The following EXOC2 variants were observed in gnomAD, a reference collection of about 807,000 sequenced individuals.
EXOC2 encodes exocyst complex component 2, also known as SEC5-like 1.
A neutral mutation model predicts 131.8 loss-of-function variants in EXOC2; 70 were observed. That is an observed-to-expected ratio of 0.53 (90% CI 0.44 to 0.65). EXOC2 has a LOEUF of 0.65. Ranked by LOEUF, EXOC2 falls within the 30% of genes least tolerant of loss-of-function variation. The pLI, the probability that EXOC2 is intolerant of heterozygous loss-of-function variation, is 0.00. For synonymous variants in EXOC2, 411 were observed against 398.4 expected (o/e 1.03, Z -0.38); for missense variants, 923 against 1,108.6 (o/e 0.83, Z 2.38).
intron 1 of EXOC2, among the ~76,000 whole-genome samples, chr6:648,436 G>A (rs1042280778): frequency 6.6e-6 from 1 of 152,118 alleles, no homozygotes; most frequent in African/African-American, 2.4e-5. Flanking sequence ...TTAAAGGAAC[G>A]CTCTAGTCTA....
At chr6:552,773 T>C (rs1165817664) in intron 21 of EXOC2, among the ~76,000 whole-genome samples, 2 of 152,190 alleles carry the variant, frequency 1.3e-5, no homozygotes, top group Non-Finnish European at 2.9e-5. Context: ...TTTTTTCTAA[T>C]ATACCAAATC....
rs1303017221 is a variant in EXOC2 at position 564,712 on chromosome 6, C to A, written c.1510-10G>T. On this transcript the variant is annotated splice_polypyrimidine_tract_variant and intron_variant, in intron 14 of 27. Transcript: ENST00000230449. Reference sequence around the variant, plus strand: ...CTTCCTGAATCATTTTCTAGAAAACCAGGAACAAGCATAACCGTGTTCAAA... The same window carrying A: ...CTTCCTGAATCATTTTCTAGAAAACAAGGAACAAGCATAACCGTGTTCAAA... 1 of 1,585,574 alleles carries A rather than the reference C, an allele frequency of 6.3e-7. No homozygotes were observed. The highest frequency in any genetic ancestry group is 1.8e-5 in the Admixed American group (1 of 55,810).
At chr6:591,580 T>C (rs1041742090) in intron 11 of EXOC2, among the ~76,000 whole-genome samples, 2 of 152,120 alleles carry the variant, frequency 1.3e-5, no homozygotes. Context: ...AGGCTACTCC[T>C]AAGCACTCCA....
At chr6:532,745 A>G in intron 22 of EXOC2, 135 bp from the exon 23 acceptor site, 3 of 820,006 alleles carry the variant, frequency 3.7e-6, no homozygotes, top group Non-Finnish European at 3.4e-6. Context: ...TGACTTTTAT[A>G]TATTTTCAGT....
At chr6:539,412 A>C (rs2127551787) in intron 22 of EXOC2, among the ~76,000 whole-genome samples, 1 of 152,330 alleles carries the variant, frequency 6.6e-6, no homozygotes, top group East Asian at 1.9e-4. Context: ...GATGCCAGCC[A>C]GTGCTCCCAA....
intron 1 of EXOC2, among the ~76,000 whole-genome samples, chr6:658,808 C>A (rs1196830973): frequency 6.6e-6 from 1 of 151,280 alleles, no homozygotes; most frequent in East Asian, 1.9e-4. Flanking sequence ...ATTACAGGCG[C>A]CTGCCACCAT....
intron 4 of EXOC2, among the ~76,000 whole-genome samples, chr6:625,549 C>T (rs2294668): frequency 0.46 from 64,308 of 138,474 alleles, 15,565 homozygotes; most frequent in East Asian, 0.61. Flanking sequence ...TTGTCTGACC[C>T]AGTTTCTGGA....
chr6:507,521 A>G (rs1033600813), intron 23 of EXOC2, among the ~76,000 whole-genome samples: 26 of 152,206 alleles, frequency 1.7e-4, no homozygotes, highest in Non-Finnish European at 8.8e-5. Context: ...ATGAAATACA[A>G]TTGTTCAGGC....
chr6:574,026 A>G (rs963966156), intron 12 of EXOC2, among the ~76,000 whole-genome samples: 1 of 152,200 alleles, frequency 6.6e-6, no homozygotes, highest in African/African-American at 2.4e-5. Flanking sequence ...TGGATCCTGG[A>G]GTTCTTCTGT....
At chr6:593,130 AAAGAT>A (rs1280758724) in intron 10 of EXOC2, among the ~76,000 whole-genome samples, 18 of 152,230 alleles carry the variant, frequency 1.2e-4, no homozygotes, top group African/African-American at 4.3e-4. Context: ...CTCTTTGTAA[AAAGAT>A]AAGGACAATT....
At chr6:624,202 A>C (rs1001726468) in intron 4 of EXOC2, among the ~76,000 whole-genome samples, 8 of 152,200 alleles carry the variant, frequency 5.3e-5, no homozygotes, top group African/African-American at 1.7e-4. Context: ...ATGAAGCTCC[A>C]TGGGTAACAC....
chr6:575,536 T>C lies in EXOC2; in HGVS notation c.1318+1221A>G, dbSNP rs541135647. On this transcript the variant is annotated intron_variant, in intron 12 of 27. Coordinates refer to ENST00000230449, the MANE Select transcript of EXOC2 (RefSeq NM_018303.6). The stretch of plus-strand genomic sequence containing the variant: ...CCATCCTCTCCCTCGCTCCATCTCC[T>C]GCCATGCGACATGCTGGCTCCCCTT... 3.6e-4 allele frequency among the ~76,000 whole-genome samples: 29 copies of C among 80,136 alleles called. No homozygotes were observed. In the Admixed American group the frequency reaches 4.1e-3, roughly 11 times the overall value. 52.6% of individuals were successfully genotyped at this position (80,136 alleles called of 152,430 possible). A position where few individuals can be genotyped will look rare whatever the true frequency, so the allele number is the denominator to read the frequency against.
At chr6:584,625 A>C (rs1759099107) in intron 11 of EXOC2, among the ~76,000 whole-genome samples, 2 of 152,350 alleles carry the variant, frequency 1.3e-5, no homozygotes, top group African/African-American at 4.8e-5. Flanking sequence ...GAAATAAACC[A>C]CTCAGATGGA....
chr6:646,902 G>C (rs1762602216), intron 1 of EXOC2, among the ~76,000 whole-genome samples: 1 of 152,090 alleles, frequency 6.6e-6, no homozygotes, highest in African/African-American at 2.4e-5. Context: ...GACAGCAAAG[G>C]CATATTTCAA....
chr6:528,041 A>G (rs1765848975), intron 23 of EXOC2, among the ~76,000 whole-genome samples: 1 of 152,242 alleles, frequency 6.6e-6, no homozygotes, highest in African/African-American at 2.4e-5. Flanking sequence ...TAACAGAACA[A>G]TTAAAATCTT....
In EXOC2 at chr6:637,858, T is replaced by A. The variant is rs1203073399; in HGVS notation, c.-40A>T. 1 of 1,573,414 alleles carries A rather than the reference T, an allele frequency of 6.4e-7. No individual in the cohort carries two copies. Among genetic ancestry groups the A allele is most frequent in the Admixed American group, 1.7e-5 (1 of 58,836 alleles). On this transcript the variant is annotated 5_prime_UTR_variant, in exon 2 of 28. Coordinates refer to ENST00000230449, the MANE Select transcript of EXOC2 (RefSeq NM_018303.6). ...CAAACTGGTGATCCTGTTAGAGAAG[T>A]AATCTGTTAAAAGAGAAAGAAAAAA... is the stretch of plus-strand genomic sequence containing the variant.
intron 4 of EXOC2, among the ~76,000 whole-genome samples, chr6:623,963 T>C (rs568774690): frequency 6.6e-6 from 1 of 152,358 alleles, no homozygotes; most frequent in Non-Finnish European, 1.5e-5. Context: ...CTTGGTGACA[T>C]GACTGACTCA....
Position 522,051 on chromosome 6 carries a change from T to C in EXOC2, c.2380+10418A>G, listed in dbSNP as rs1429231561. Reference sequence around the variant, plus strand: ...GGCTTGAGTAACCCTTACCAAGGCATTAGCTAATCAACTAATAACTGAATA... The same window carrying C: ...GGCTTGAGTAACCCTTACCAAGGCACTAGCTAATCAACTAATAACTGAATA... On this transcript the variant is annotated intron_variant, in intron 23 of 27. Coordinates refer to ENST00000230449, the MANE Select transcript of EXOC2 (RefSeq NM_018303.6). Among the ~76,000 whole-genome samples the C allele has an allele frequency of 1.1e-4, 16 of 152,366 alleles. No individual in the cohort carries two copies. The East Asian group carries it at 2.9e-3, about 28-fold the overall frequency.
At chr6:514,013 T>C (rs557741325) in intron 23 of EXOC2, among the ~76,000 whole-genome samples, 1 of 152,350 alleles carries the variant, frequency 6.6e-6, no homozygotes, top group Admixed American at 6.5e-5. Context: ...AAAAATGATA[T>C]ACTTTTGAAA....
Sources: gnomAD v4.1 joint callset for allele counts (sites outside exome capture counted in the v4.1 genomes callset) on GRCh38, gnomAD v4.1.1 for gene constraint, MANE v1.5 for transcripts, NCBI Gene and HGNC (gene_info 2026-07-23, HGNC 2026-07-21) for gene names.